SLC5A4: variants seen among roughly 807,000 people sequenced by gnomAD.
SLC5A4 encodes the protein probable glucose sensor protein SLC5A4.
Under a neutral mutation model 70.3 loss-of-function variants are expected in SLC5A4, and 55 were observed. That is an observed-to-expected ratio of 0.78 (90% CI 0.63 to 0.98). The LOEUF (loss-of-function observed/expected upper bound fraction) is 0.98. Ranked by LOEUF, SLC5A4 falls within the 50% of genes least tolerant of loss-of-function variation. The pLI is 0.00. For missense variants in SLC5A4, 735 were observed against 839.2 expected (o/e 0.88, Z 1.53); for synonymous variants, 268 against 305.7 (o/e 0.88, Z 1.29).
rs1322993326 is a variant in SLC5A4, at chr22:32,231,025, C to G, written c.1072G>C (p.Asp358His). The G allele has an allele frequency of 4.3e-6, 7 of 1,613,998 alleles. No homozygotes were observed. Among genetic ancestry groups the G allele is most frequent in the Admixed American group, 1.7e-5 (1 of 60,002 alleles). Residue 358 changes from aspartate to histidine, a missense_variant, in exon 10 of 15, where the codon GAT becomes CAT. Physicochemically the swap from Asp to His is moderately conservative, Grantham distance 81. Transcript: ENST00000266086. ...PSECVKHCGV[D>H]VGCTNYAYPT... ...TATGCGTAGTTGGTGCAGCCAACAT[C>G]AACGCCACAGTGTTTCACGCATTCA... is the stretch of plus-strand genomic sequence containing the variant.
the SLC5A4 span, among the ~76,000 whole-genome samples, chr22:32,319,860 T>A: frequency 6.6e-6 from 1 of 152,174 alleles, no homozygotes; most frequent in Non-Finnish European, 1.5e-5. Context: ...TTTGCTGCTT[T>A]TGGCCCATGA....
the SLC5A4 span, chr22:32,272,482 A>C: frequency 1.4e-6 from 1 of 734,616 alleles, no homozygotes; most frequent in Non-Finnish European, 2.5e-6. Flanking sequence ...AGCCGACCTC[A>C]TGAAGAGCAT....
chr22:32,341,035 A>G, the SLC5A4 span, among the ~76,000 whole-genome samples: 2 of 152,094 alleles, frequency 1.3e-5, no homozygotes, highest in Non-Finnish European at 2.9e-5. Flanking sequence ...CACGTGAAAC[A>G]GGAAAGAAAG....
At chr22:32,264,473 G>C in the SLC5A4 span, among the ~76,000 whole-genome samples, 2 of 152,002 alleles carry the variant, frequency 1.3e-5, no homozygotes, top group East Asian at 3.9e-4. Context: ...TTCTTGGGAG[G>C]CTCAGGTGGA....
At chr22:32,354,446 G>C in the SLC5A4 span, among the ~76,000 whole-genome samples, 1 of 148,960 alleles carries the variant, frequency 6.7e-6, no homozygotes, top group Admixed American at 6.7e-5. Context: ...CGCAGGCAAT[G>C]ATGCCCTGGA....
intron 1 of SLC5A4, among the ~76,000 whole-genome samples, chr22:32,254,629 C>T (rs1405214055): frequency 6.6e-6 from 1 of 151,966 alleles, no homozygotes; most frequent in African/African-American, 2.4e-5. Flanking sequence ...ATGGTGAAAC[C>T]CCGTCTCTAC....
chr22:32,323,956 G>A, the SLC5A4 span, among the ~76,000 whole-genome samples: 1 of 152,130 alleles, frequency 6.6e-6, no homozygotes, highest in African/African-American at 2.4e-5. Flanking sequence ...GACTTTGGCA[G>A]AGGCCTCCCG....
chr22:32,285,711 A>C, the SLC5A4 span, among the ~76,000 whole-genome samples: 2 of 88,376 alleles, frequency 2.3e-5, no homozygotes, highest in African/African-American at 4.0e-5. Flanking sequence ...TTCTTTTTTT[A>C]TTTTTATTTT....
At chr22:32,352,011 T>A in the SLC5A4 span, among the ~76,000 whole-genome samples, 6 of 151,748 alleles carry the variant, frequency 4.0e-5, no homozygotes, top group Admixed American at 6.6e-5. Flanking sequence ...ATACATTTTG[T>A]CCCCTTCCTG....
Position 32,220,979 on chromosome 22 carries a change from C to T in SLC5A4, c.1709G>A (p.Arg570Gln), listed in dbSNP as rs750476240. Residue 570 changes from arginine to glutamine, a missense_variant, in exon 14 of 15, where the codon CGA (arginine) becomes CAA (glutamine). Coordinates refer to ENST00000266086, the MANE Select transcript of SLC5A4 (RefSeq NM_014227.3). Reference protein sequence around the residue: ...CWVLRNSTEERIDIDAEEKSQ... With the variant: ...CWVLRNSTEEQIDIDAEEKSQ... ...TTTCTCTTCTGCATCTATATCGATT[C>T]GCTCCTCTGTACTGTTCCGAAGAAC... 1.4e-5 allele frequency: 22 copies of T among 1,613,906 alleles called. No homozygotes were observed. Among genetic ancestry groups the T allele is most frequent in the East Asian group, 1.3e-4 (6 of 44,892 alleles).
chr22:32,226,646 A>T (rs1358507975), intron 11 of SLC5A4, among the ~76,000 whole-genome samples: 1 of 152,244 alleles, frequency 6.6e-6, no homozygotes, highest in African/African-American at 2.4e-5. Context: ...AAACCACAGT[A>T]AGGATTCAAT....
chr22:32,329,186 C>T, the SLC5A4 span, among the ~76,000 whole-genome samples: 2 of 151,920 alleles, frequency 1.3e-5, no homozygotes, highest in African/African-American at 4.8e-5. Flanking sequence ...AGGGCTCTGG[C>T]CCAGCCTTGC....
the SLC5A4 span, among the ~76,000 whole-genome samples, chr22:32,345,315 T>G: frequency 6.6e-6 from 1 of 152,192 alleles, no homozygotes; most frequent in Admixed American, 6.5e-5. Flanking sequence ...AACGTGTTTT[T>G]GCCTGTGAGA....
chr22:32,290,117 G>A, the SLC5A4 span, among the ~76,000 whole-genome samples: 3 of 152,064 alleles, frequency 2.0e-5, no homozygotes, highest in Non-Finnish European at 4.4e-5. Flanking sequence ...GTTCTGGGAT[G>A]CATGTACAGA....
chr22:32,271,095 G>A, the SLC5A4 span: 100 of 588,764 alleles, frequency 1.7e-4, no homozygotes, highest in Non-Finnish European at 2.4e-4. Flanking sequence ...GCCCGAAGAA[G>A]CAGCCAGCCC....
chr22:32,298,707 C>T, the SLC5A4 span, among the ~76,000 whole-genome samples: 2 of 80,590 alleles, frequency 2.5e-5, no homozygotes, highest in African/African-American at 4.9e-5. Flanking sequence ...ATGATGTTAG[C>T]TGGTTATTTT....
At chr22:32,289,793 A>G in the SLC5A4 span, among the ~76,000 whole-genome samples, 1 of 152,224 alleles carries the variant, frequency 6.6e-6, no homozygotes, top group Admixed American at 6.5e-5. Flanking sequence ...ATTCCTGTTC[A>G]TATACCTGAT....
chr22:32,225,764 G>C lies in SLC5A4; in HGVS notation c.1340C>G (p.Ser447Cys). 2 of 1,612,674 alleles carry C rather than the reference G, an allele frequency of 1.2e-6. No homozygotes were observed. Among genetic ancestry groups the C allele is most frequent in the Non-Finnish European group, 1.7e-6 (2 of 1,178,728 alleles). Residue 447 changes from serine (S) to cysteine (C), a missense_variant, in exon 12 of 15, where the codon TCT (serine) becomes TGT (cysteine). Coordinates refer to ENST00000266086, the MANE Select transcript of SLC5A4 (RefSeq NM_014227.3). ...SIVWVPLVQV[S>C]QNGQLIHYTE... is the part of the protein sequence containing the mutation. ...GTAATGGATTAGTTGTCCATTTTGA[G>C]AAACTTGTACCAGTGGGACCCACAC...
chr22:32,331,277 C>T, the SLC5A4 span, among the ~76,000 whole-genome samples: 1 of 151,796 alleles, frequency 6.6e-6, no homozygotes, highest in African/African-American at 2.4e-5. Context: ...TCTGGGAGAG[C>T]CTCTCCCTGG....
Sources: gnomAD v4.1 joint callset for allele counts (sites outside exome capture counted in the v4.1 genomes callset) on GRCh38, gnomAD v4.1.1 for gene constraint, MANE v1.5 for transcripts, NCBI Gene and HGNC (gene_info 2026-07-23, HGNC 2026-07-21) for gene names.